The following KIAA0586 variants were observed in gnomAD, a reference collection of about 807,000 sequenced individuals.
KIAA0586 encodes protein TALPID3.
Under a neutral mutation model 169.8 loss-of-function variants are expected in KIAA0586, and 144 were observed. That is an observed-to-expected ratio of 0.85 (90% CI 0.74 to 0.97). The LOEUF (loss-of-function observed/expected upper bound fraction) is 0.97. Ranked by LOEUF, KIAA0586 falls within the 50% of genes least tolerant of loss-of-function variation. The probability of loss-of-function intolerance (pLI) is 0.00; values close to 1 mark genes in which losing one functional copy is unlikely to be tolerated. For synonymous variants in KIAA0586, 625 were observed against 612.4 expected, an observed-to-expected ratio of 1.02 and a Z score of -0.30; for missense variants, 1,854 against 1,823.0, an observed-to-expected ratio of 1.02 and a Z score of -0.31.
At chr14:58,434,934 ATG>A (rs1291007756) in intron 4 of KIAA0586, among the ~76,000 whole-genome samples, 23 of 151,032 alleles carry the variant, frequency 1.5e-4, no homozygotes, top group Admixed American at 1.1e-3. Flanking sequence ...GACTACAGGC[ATG>A]TGCCACCACA....
At chr14:58,547,745 C>A in intron 30 of KIAA0586, 36 bp from the exon 31 acceptor site, 2 of 1,471,354 alleles carry the variant, frequency 1.4e-6, no homozygotes, top group Non-Finnish European at 1.9e-6. Context: ...ACTCAGGTTA[C>A]GCATGTTGAG....
intron 25 of KIAA0586, among the ~76,000 whole-genome samples, chr14:58,491,089 ATATCT>A (rs1326799517): frequency 9.2e-5 from 14 of 152,296 alleles, no homozygotes; most frequent in African/African-American, 3.1e-4. Flanking sequence ...CATAAATGAG[ATATCT>A]TTATTTTCAG....
chr14:58,437,364 G>T (rs1465980468), intron 4 of KIAA0586, among the ~76,000 whole-genome samples: 2 of 152,124 alleles, frequency 1.3e-5, no homozygotes, highest in African/African-American at 4.8e-5. Context: ...ATGGGCAAGG[G>T]TTTGAGGTTC....
At chr14:58,486,985 T>A in intron 21 of KIAA0586, 22 bp from the exon 22 acceptor site, 2 of 1,567,706 alleles carry the variant, frequency 1.3e-6, no homozygotes, top group Non-Finnish European at 1.7e-6. Context: ...AAACACAGTT[T>A]ATCTTGTTTT....
intron 30 of KIAA0586, chr14:58,543,896 T>A (rs1221303652): frequency 2.2e-6 from 1 of 455,826 alleles, no homozygotes; most frequent in South Asian, 1.6e-5. Flanking sequence ...TGGGGGTACA[T>A]GTGAAGAAGG....
intron 9 of KIAA0586, 32 bp downstream of exon 9, chr14:58,453,505 T>C: frequency 1.4e-6 from 2 of 1,427,058 alleles, no homozygotes; most frequent in Middle Eastern, 1.9e-4. Flanking sequence ...GAAAACTAGA[T>C]TGAAAAGAGT....
At chr14:58,532,822 AT>A (rs1419921326) in intron 29 of KIAA0586, among the ~76,000 whole-genome samples, 3 of 152,234 alleles carry the variant, frequency 2.0e-5, no homozygotes, top group Non-Finnish European at 4.4e-5. Context: ...CTTGTGAATT[AT>A]TTTAAGCTCG....
chr14:58,479,526 G>A (rs142080740), intron 20 of KIAA0586, among the ~76,000 whole-genome samples: 2 of 152,088 alleles, frequency 1.3e-5, no homozygotes, highest in Non-Finnish European at 2.9e-5. Context: ...TTTTGAAGAA[G>A]TCTAATTTAT....
chr14:58,495,018 G>A (rs961230007), intron 26 of KIAA0586, among the ~76,000 whole-genome samples: 3 of 151,952 alleles, frequency 2.0e-5, no homozygotes, highest in Non-Finnish European at 4.4e-5. Context: ...TTCTTTCCAC[G>A]CGTTCCAGTT....
At chr14:58,447,747 C>T (rs2039023162) in intron 6 of KIAA0586, among the ~76,000 whole-genome samples, 1 of 152,160 alleles carries the variant, frequency 6.6e-6, no homozygotes, top group Non-Finnish European at 1.5e-5. Context: ...TCCCAAAGTG[C>T]TGGGATTACA....
chr14:58,477,469 C>T (rs143634936), intron 20 of KIAA0586, among the ~76,000 whole-genome samples: 19 of 152,274 alleles, frequency 1.2e-4, no homozygotes, highest in Non-Finnish European at 2.5e-4. Flanking sequence ...CACCCCAAAT[C>T]TCTTTGTTAT....
rs752970542 is a variant in KIAA0586 at position 58,488,093 on chromosome 14, C to G, written c.3511C>G (p.Leu1171Val). The G allele has an allele frequency of 2.5e-6, 4 of 1,599,366 alleles. No individual in the cohort carries two copies. The highest frequency in any genetic ancestry group is 3.4e-6 in the Non-Finnish European group (4 of 1,172,592). ...GAACCCTAACTCACCTCAAGAAGAA[C>G]TTCATCCAAGAGCTATGTAAATGAG... Reference protein sequence around the residue: ...EENPNSPQEELHPRAIVMSVA... With the variant: ...EENPNSPQEEVHPRAIVMSVA... Residue 1171 changes from leucine to valine, a missense_variant, in exon 23 of 31, where the codon CTT becomes GTT. Physicochemically the swap from Leu to Val is conservative, Grantham distance 32 (BLOSUM62 1). Transcript: ENST00000652326.
intron 18 of KIAA0586, among the ~76,000 whole-genome samples, chr14:58,474,024 G>A (rs61974536): frequency 0.015 from 2,320 of 152,266 alleles, 21 homozygotes; most frequent in Non-Finnish European, 0.025. Flanking sequence ...TCAGATAGAA[G>A]GCTGTGAGGG....
chr14:58,516,763 A>G (rs1439033581), intron 29 of KIAA0586, among the ~76,000 whole-genome samples: 5 of 152,210 alleles, frequency 3.3e-5, no homozygotes. Context: ...ATAAAGCTAC[A>G]GTAATCAAGA....
downstream of KIAA0586, among the ~76,000 whole-genome samples, chr14:58,553,917 C>T (rs1451204185): frequency 6.6e-6 from 1 of 152,094 alleles, no homozygotes; most frequent in Non-Finnish European, 1.5e-5. Context: ...GGGCTGGGCT[C>T]AACTAGGACA....
rs186032875 is a variant in KIAA0586, at chr14:58,459,693, C to A, written c.1657-150C>A. Reference sequence around the variant, plus strand: ...CCAGAGATTTTTGATTTTTATATATCCAATAAAGCCAATATCCTTTATTTT... The same window carrying A: ...CCAGAGATTTTTGATTTTTATATATACAATAAAGCCAATATCCTTTATTTT... On this transcript the variant is annotated intron_variant, in intron 12 of 30. Coordinates refer to ENST00000652326, the MANE Select transcript of KIAA0586 (RefSeq NM_001329943.3). The A allele has an allele frequency of 1.7e-4, 68 of 407,952 alleles. No homozygotes were observed. The East Asian group carries it at 2.5e-3, about 15-fold the overall frequency. 25.3% of individuals were successfully genotyped at this position (407,952 alleles called of 1,614,324 possible).
At chr14:58,439,085 G>A (rs888405866) in intron 4 of KIAA0586, among the ~76,000 whole-genome samples, 1 of 152,176 alleles carries the variant, frequency 6.6e-6, no homozygotes, top group African/African-American at 2.4e-5. Context: ...CTGGTGTCAT[G>A]GTAAGACCTC....
chr14:58,522,128 A>T (rs2045272259), intron 29 of KIAA0586: 1 of 576,458 alleles, frequency 1.7e-6, no homozygotes, highest in Non-Finnish European at 3.1e-6. Context: ...TGTCCTTCCC[A>T]TGTTCATTAA....
chr14:58,507,177 ATGTG>A, intron 27 of KIAA0586, among the ~76,000 whole-genome samples: 1 of 145,012 alleles, frequency 6.9e-6, no homozygotes, highest in Non-Finnish European at 1.5e-5. Flanking sequence ...ATATATATAT[ATGTG>A]TATGTATGAT....
Sources: allele counts gnomAD v4.1 joint callset (sites outside exome capture counted in the v4.1 genomes callset), GRCh38; gene constraint gnomAD v4.1.1; transcripts MANE v1.5; gene names NCBI Gene and HGNC (gene_info 2026-07-23, HGNC 2026-07-21).